The following TMEM132B variants were observed in gnomAD, a reference collection of about 807,000 sequenced individuals.
The protein encoded by TMEM132B is transmembrane protein 132B.
TMEM132B carries 18 observed loss-of-function variants against 90.8 expected under a neutral mutation model. That is an observed-to-expected ratio of 0.20 (90% CI 0.14 to 0.29). The LOEUF (loss-of-function observed/expected upper bound fraction) is 0.29. Among genes scored for constraint, TMEM132B ranks in the 10% least tolerant of loss-of-function variants. The pLI is 1.00. For synonymous variants in TMEM132B, 504 were observed against 523.3 expected (o/e 0.96, Z 0.50); for missense variants, 1,096 against 1,326.8 (o/e 0.83, Z 2.70).
rs562837684 is a variant in TMEM132B at position 125,525,521 on chromosome 12, C to G, written c.1293+5896C>G. 2.6e-4 allele frequency among the ~76,000 whole-genome samples: 39 copies of G among 152,342 alleles called. No individual in the cohort carries two copies. The South Asian group carries it at 7.2e-3, about 28-fold the overall frequency. Reference sequence around the variant, plus strand: ...CAGCAACAAGGCACCATCTTGGAAGCAAAGAGACCAGATCTTCAGCAGACA... The same window carrying G: ...CAGCAACAAGGCACCATCTTGGAAGGAAAGAGACCAGATCTTCAGCAGACA... On this transcript the variant is annotated intron_variant, in intron 4 of 8. Transcript: ENST00000682704.
In TMEM132B at chr12:125,645,904, A is replaced by C. The variant is rs1002813279; in HGVS notation, c.1643+1623A>C. Among the ~76,000 whole-genome samples, 4 of 152,344 alleles carry C rather than the reference A, an allele frequency of 2.6e-5. No homozygotes were observed. The East Asian group carries it at 7.7e-4, about 29-fold the overall frequency. ...TGTGAGCGTGCCTTTGGCATCAGGCAGTGAGTGGAGGCTGGAAGATTTTGA... is the reference window on the plus strand; with the variant it reads ...TGTGAGCGTGCCTTTGGCATCAGGCCGTGAGTGGAGGCTGGAAGATTTTGA... On this transcript the variant is annotated intron_variant, in intron 6 of 8. Transcript: ENST00000682704.
chr12:125,474,255 T>C (rs1041026239), intron 3 of TMEM132B, among the ~76,000 whole-genome samples: 25 of 149,538 alleles, frequency 1.7e-4, no homozygotes, highest in African/African-American at 5.5e-4. Context: ...CTCTCCCTTC[T>C]TTCTCCCCTC....
At chr12:125,521,493 C>T (rs973528899) in intron 4 of TMEM132B, among the ~76,000 whole-genome samples, 1 of 152,140 alleles carries the variant, frequency 6.6e-6, no homozygotes, top group East Asian at 1.9e-4. Context: ...GTAGTTAGAA[C>T]AGAGCAGCTT....
chr12:125,569,851 A>G (rs187921494), intron 4 of TMEM132B, among the ~76,000 whole-genome samples: 16 of 152,226 alleles, frequency 1.1e-4, no homozygotes, highest in African/African-American at 3.4e-4. Flanking sequence ...GAGGCGTCAG[A>G]GGCTGGAATC....
intron 1 of TMEM132B, among the ~76,000 whole-genome samples, chr12:125,191,630 C>A (rs543413074): frequency 7.0e-4 from 106 of 152,286 alleles, no homozygotes; most frequent in Non-Finnish European, 1.1e-3. Context: ...TTTCTGTTCC[C>A]TCTCTCTTTG....
intron 1 of TMEM132B, among the ~76,000 whole-genome samples, chr12:125,231,624 T>C (rs2136083172): frequency 6.6e-6 from 1 of 152,302 alleles, no homozygotes; most frequent in East Asian, 1.9e-4. Context: ...TAAGAAATAT[T>C]ATGCAGGAAC....
At chr12:125,651,005 G>A in intron 7 of TMEM132B, 52 bp downstream of exon 7, 2 of 1,597,748 alleles carry the variant, frequency 1.3e-6, no homozygotes, top group Non-Finnish European at 1.7e-6. Flanking sequence ...TGAGTGGCCA[G>A]GTAGATGCTG....
intron 2 of TMEM132B, among the ~76,000 whole-genome samples, chr12:125,411,333 G>A (rs147437239): frequency 2.0e-5 from 3 of 147,640 alleles, no homozygotes; most frequent in African/African-American, 7.5e-5. Flanking sequence ...GCATAGGGAG[G>A]GGAACATCAC....
intron 2 of TMEM132B, among the ~76,000 whole-genome samples, chr12:125,389,030 A>ACG (rs1419744340): frequency 4.0e-5 from 6 of 151,406 alleles, no homozygotes; most frequent in African/African-American, 1.5e-4. Context: ...ACACACACAC[A>ACG]CACACACACA....
chr12:125,435,852 A>G (rs1026305421), intron 3 of TMEM132B, among the ~76,000 whole-genome samples: 3 of 151,926 alleles, frequency 2.0e-5, no homozygotes, highest in Admixed American at 6.6e-5. Context: ...GAGGAGCTAA[A>G]TGGAGGGGAC....
At chr12:125,581,628 A>G (rs1157176553) in intron 4 of TMEM132B, among the ~76,000 whole-genome samples, 1 of 152,200 alleles carries the variant, frequency 6.6e-6, no homozygotes, top group Non-Finnish European at 1.5e-5. Context: ...AAAAAAATGA[A>G]ACATTGTCAC....
chr12:125,515,224 A>G (rs1883085402), intron 3 of TMEM132B, among the ~76,000 whole-genome samples: 1 of 141,336 alleles, frequency 7.1e-6, no homozygotes, highest in Non-Finnish European at 1.5e-5. Context: ...ACGTTCACAC[A>G]TTCTCTCACA....
chr12:125,509,511 A>T (rs1307614912), intron 3 of TMEM132B, among the ~76,000 whole-genome samples: 1 of 152,048 alleles, frequency 6.6e-6, no homozygotes, highest in Non-Finnish European at 1.5e-5. Flanking sequence ...GGAGTGTATA[A>T]TGTGCACATT....
chr12:125,652,353 G>A (rs1886944653), intron 7 of TMEM132B, 88 bp from the exon 8 acceptor site: 8 of 1,310,686 alleles, frequency 6.1e-6, no homozygotes. Flanking sequence ...CCAAGGGCTG[G>A]GAGAGCACTT....
intron 1 of TMEM132B, among the ~76,000 whole-genome samples, chr12:125,298,874 C>T (rs1265996920): frequency 2.0e-5 from 3 of 151,326 alleles, no homozygotes; most frequent in African/African-American, 4.9e-5. Flanking sequence ...GCTGGGACTA[C>T]AGGCGCCCGC....
intron 4 of TMEM132B, among the ~76,000 whole-genome samples, chr12:125,539,966 G>C (rs1194469653): frequency 6.6e-6 from 1 of 151,998 alleles, no homozygotes; most frequent in Non-Finnish European, 1.5e-5. Context: ...CTCCCCTATA[G>C]ACATTTAGTG....
chr12:125,313,496 T>C, intron 1 of TMEM132B, among the ~76,000 whole-genome samples: 1 of 141,520 alleles, frequency 7.1e-6, no homozygotes, highest in African/African-American at 2.7e-5. Context: ...CCTTCCTCCT[T>C]CCCTTTCTCT....
At chr12:125,219,285 T>C (rs1261601704) in intron 1 of TMEM132B, among the ~76,000 whole-genome samples, 1 of 152,260 alleles carries the variant, frequency 6.6e-6, no homozygotes, top group African/African-American at 2.4e-5. Flanking sequence ...AGATGGTCTC[T>C]GCAGAATTCT....
intron 3 of TMEM132B, among the ~76,000 whole-genome samples, chr12:125,437,391 A>T (rs532161624): frequency 2.8e-4 from 43 of 152,294 alleles, no homozygotes; most frequent in African/African-American, 1.0e-3. Flanking sequence ...GCTGCTATAA[A>T]CAACCCTGTA....
Sources: allele counts gnomAD v4.1 joint callset (sites outside exome capture counted in the v4.1 genomes callset), GRCh38; gene constraint gnomAD v4.1.1; transcripts MANE v1.5; gene names NCBI Gene and HGNC (gene_info 2026-07-23, HGNC 2026-07-21).